Variants in PIK3AP1 observed in about 807,000 individuals in gnomAD.
PIK3AP1 encodes phosphoinositide-3-kinase adaptor protein 1.
A neutral mutation model predicts 88.1 loss-of-function variants in PIK3AP1; 21 were observed. That is an observed-to-expected ratio of 0.24 (90% CI 0.17 to 0.34). PIK3AP1 has a LOEUF of 0.34. Among genes scored for constraint, PIK3AP1 ranks in the 10% least tolerant of loss-of-function variants. PIK3AP1 has a pLI of 1.00. For synonymous variants in PIK3AP1, 398 were observed against 400.0 expected, an observed-to-expected ratio of 1.00 and a Z score of 0.06; for missense variants, 828 against 1,035.7, an observed-to-expected ratio of 0.80 and a Z score of 2.75.
intron 8 of PIK3AP1, among the ~76,000 whole-genome samples, chr10:96,645,164 A>G (rs775036272): frequency 1.3e-5 from 2 of 152,236 alleles, no homozygotes; most frequent in Non-Finnish European, 2.9e-5. Context: ...TGTTATAAAA[A>G]GGACCCCTGG....
At chr10:96,638,084 A>G in intron 8 of PIK3AP1, among the ~76,000 whole-genome samples, 1 of 152,162 alleles carries the variant, frequency 6.6e-6, no homozygotes, top group East Asian at 1.9e-4. Context: ...TGTATTTTGC[A>G]TGTGAGAAGG....
chr10:96,601,096 T>A (rs1848881489), intron 16 of PIK3AP1, among the ~76,000 whole-genome samples: 1 of 152,180 alleles, frequency 6.6e-6, no homozygotes, highest in Non-Finnish European at 1.5e-5. Context: ...AAAGATCACT[T>A]ATATTGCTGA....
chr10:96,692,823 A>C (rs1022574304), intron 2 of PIK3AP1, among the ~76,000 whole-genome samples: 2 of 152,228 alleles, frequency 1.3e-5, no homozygotes, highest in Non-Finnish European at 2.9e-5. Context: ...TATTTTCTTA[A>C]TGTTCAGTTT....
At chr10:96,663,191 G>A (rs936661080) in intron 2 of PIK3AP1, among the ~76,000 whole-genome samples, 22 of 152,022 alleles carry the variant, frequency 1.4e-4, no homozygotes, top group Admixed American at 1.2e-3. Context: ...TTTCTGAGGT[G>A]ATGAAAATAT....
In PIK3AP1 at chr10:96,714,443, T is replaced by C. The variant is rs1844477224; in HGVS notation, c.14-4460A>G. Among the ~76,000 whole-genome samples, 4 of 152,228 alleles carry C rather than the reference T, an allele frequency of 2.6e-5. No homozygotes were observed. In the South Asian group the frequency reaches 8.3e-4, roughly 32 times the overall value. On this transcript the variant is annotated intron_variant, in intron 1 of 16. Transcript: ENST00000339364. ...AGCAGGGATCTGACTCCAAAGTCCA[T>C]GCTCTTAATCTCTAAGTTGCACCCA...
chr10:96,684,563 G>A (rs1193927090), intron 2 of PIK3AP1, among the ~76,000 whole-genome samples: 1 of 152,234 alleles, frequency 6.6e-6, no homozygotes, highest in Non-Finnish European at 1.5e-5. Context: ...GGGAGAGGCA[G>A]ACCTATGCCA....
At chr10:96,699,267 G>A (rs889409330) in intron 2 of PIK3AP1, among the ~76,000 whole-genome samples, 1 of 152,154 alleles carries the variant, frequency 6.6e-6, no homozygotes, top group African/African-American at 2.4e-5. Flanking sequence ...GAGCTTCACT[G>A]TCCAATATGG....
In PIK3AP1 at chr10:96,593,481, A is replaced by G. The variant is rs1468698038; in HGVS notation, c.*2096T>C. On this transcript the variant is annotated 3_prime_UTR_variant, in exon 17 of 17. Coordinates refer to ENST00000339364, the MANE Select transcript of PIK3AP1 (RefSeq NM_152309.3). Reference sequence around the variant, plus strand: ...CGATCTAAATGCTTGTTCATCAGAGAATGTACAAAATTCTAAGTTTGGCAT... The same window carrying G: ...CGATCTAAATGCTTGTTCATCAGAGGATGTACAAAATTCTAAGTTTGGCAT... 6.6e-6 allele frequency: 1 copy of G among 152,238 alleles called. No homozygotes were observed. The highest frequency in any genetic ancestry group is 1.5e-5 in the Non-Finnish European group (1 of 68,052). The allele number at this position is 152,238 out of a possible 1,614,324, so 9.4% of individuals were successfully genotyped here. A position where few individuals can be genotyped will look rare whatever the true frequency, so the allele number is the denominator to read the frequency against.
chr10:96,646,927 A>T (rs764260371), intron 7 of PIK3AP1, among the ~76,000 whole-genome samples: 4 of 152,190 alleles, frequency 2.6e-5, no homozygotes, highest in Non-Finnish European at 4.4e-5. Context: ...CACTACCCTA[A>T]GATAGCTAAT....
At chr10:96,621,729 A>G (rs1257466836) in intron 11 of PIK3AP1, 1 of 152,306 alleles carries the variant, frequency 6.6e-6, no homozygotes, top group Admixed American at 6.5e-5. Flanking sequence ...TTGAAGAAGC[A>G]GCCAAGCCTT....
intron 13 of PIK3AP1, among the ~76,000 whole-genome samples, chr10:96,610,800 T>G (rs1392539280): frequency 6.6e-6 from 1 of 152,054 alleles, no homozygotes; most frequent in East Asian, 1.9e-4. Flanking sequence ...AGAAAAAAAG[T>G]CTGGGGGCAG....
Position 96,651,496 on chromosome 10 carries a change from G to T in PIK3AP1, c.855+13C>A, listed in dbSNP as rs760627295. On this transcript the variant is annotated intron_variant, in intron 5 of 16. Transcript: ENST00000339364. ...ATGCCCAGAAATCTCAGGTTTCCTT[G>T]TAATATCCTTACCTGACACATGAAT... 10 of 1,614,186 alleles carry T rather than the reference G, an allele frequency of 6.2e-6. No individual in the cohort carries two copies. The South Asian group carries it at 8.8e-5, about 14-fold the overall frequency.
Position 96,648,909 on chromosome 10 carries a change from G to A in PIK3AP1, c.989-54C>T, listed in dbSNP as rs1487683904. On this transcript the variant is annotated intron_variant, in intron 6 of 16. Coordinates refer to ENST00000339364, the MANE Select transcript of PIK3AP1 (RefSeq NM_152309.3). ...GCAGATAAAAATAAAGGCACAGGGT[G>A]CCCTTGTTCATGGAGATGAAGCTGC... The A allele has an allele frequency of 7.5e-5, 108 of 1,437,548 alleles. 1 individual carries two copies. The highest frequency in any genetic ancestry group is 9.2e-5 in the Non-Finnish European group (100 of 1,082,274). 89.0% of individuals were successfully genotyped at this position (1,437,548 alleles called of 1,614,324 possible).
At chr10:96,640,738 GCCTTGAACGCCCAGGCTCAAGCGAT>G (rs1843373336) in intron 8 of PIK3AP1, among the ~76,000 whole-genome samples, 1 of 151,704 alleles carries the variant, frequency 6.6e-6, no homozygotes, top group South Asian at 2.1e-4. Context: ...GCTCACTGCA[GCCTTGAACGCCCAGGCTCAAGCGAT>G]TCTCCCACCA....
intron 10 of PIK3AP1, among the ~76,000 whole-genome samples, chr10:96,624,168 T>C (rs1228335055): frequency 2.0e-5 from 3 of 152,236 alleles, no homozygotes; most frequent in Admixed American, 6.5e-5. Flanking sequence ...CTATTTCTTA[T>C]CTGTAGAATG....
intron 1 of PIK3AP1, 61 bp from the exon 2 acceptor site, chr10:96,710,044 C>T: frequency 1.3e-6 from 2 of 1,496,330 alleles, no homozygotes; most frequent in Admixed American, 2.1e-5. Flanking sequence ...TGGCTCCCCA[C>T]AGCCTGCAAA....
At chr10:96,666,848 C>T (rs1038769149) in intron 2 of PIK3AP1, among the ~76,000 whole-genome samples, 2 of 151,972 alleles carry the variant, frequency 1.3e-5, no homozygotes, top group South Asian at 2.1e-4. Context: ...AGCAGCAGCA[C>T]GGAGCAGAGG....
chr10:96,667,000 T>C (rs1197220629), intron 2 of PIK3AP1, among the ~76,000 whole-genome samples: 1 of 152,232 alleles, frequency 6.6e-6, no homozygotes, highest in African/African-American at 2.4e-5. Context: ...GAGCTTTTGC[T>C]GTCACTGACG....
At chr10:96,661,652 G>A (rs887831399) in intron 2 of PIK3AP1, among the ~76,000 whole-genome samples, 1 of 152,166 alleles carries the variant, frequency 6.6e-6, no homozygotes, top group Admixed American at 6.5e-5. Context: ...CAGGCATGGT[G>A]GCATGTGCCT....
Sources: gnomAD v4.1 joint callset for allele counts (sites outside exome capture counted in the v4.1 genomes callset) on GRCh38, gnomAD v4.1.1 for gene constraint, MANE v1.5 for transcripts, NCBI Gene and HGNC (gene_info 2026-07-23, HGNC 2026-07-21) for gene names.